CEMIP: variants seen among roughly 807,000 people sequenced by gnomAD.
The protein encoded by CEMIP is cell migration-inducing and hyaluronan-binding protein.
Under a neutral mutation model 156.9 loss-of-function variants are expected in CEMIP, and 105 were observed. That is an observed-to-expected ratio of 0.67 (90% confidence interval 0.57 to 0.79). The LOEUF (loss-of-function observed/expected upper bound fraction) is 0.79. CEMIP is among the 30% of genes least tolerant of loss of function. The pLI is 0.00. For synonymous variants in CEMIP, 676 were observed against 668.4 expected, an observed-to-expected ratio of 1.01 and a Z score of -0.17; for missense variants, 1,457 against 1,769.4, an observed-to-expected ratio of 0.82 and a Z score of 3.17.
chr15:80,828,701 T>G (rs1238087070), intron 1 of CEMIP, among the ~76,000 whole-genome samples: 1 of 152,212 alleles, frequency 6.6e-6, no homozygotes, highest in Non-Finnish European at 1.5e-5. Context: ...GAATTGAATC[T>G]TCTAAGAAAA....
intron 1 of CEMIP, among the ~76,000 whole-genome samples, chr15:80,865,556 G>C (rs1209603508): frequency 6.6e-6 from 1 of 151,776 alleles, no homozygotes; most frequent in Non-Finnish European, 1.5e-5. Flanking sequence ...CATGGCTACT[G>C]TACTGGACAG....
chr15:80,816,396 G>C (rs1463509762), intron 1 of CEMIP, among the ~76,000 whole-genome samples: 1 of 152,290 alleles, frequency 6.6e-6, no homozygotes, highest in East Asian at 1.9e-4. Context: ...TCGGACCTCT[G>C]TCTGCTTCCT....
Position 80,942,110 on chromosome 15 carries a change from C to G in CEMIP, c.3612+57C>G. 1.9e-6 allele frequency: 3 copies of G among 1,566,998 alleles called. No homozygotes were observed. In the South Asian group the frequency reaches 3.3e-5, roughly 17 times the overall value. ...TTGCCGTCCAGTCGGGCCTAGAGCCCTTTGCCGTCCAGTCGGGCCCAGACC... is the reference window on the plus strand; with the variant it reads ...TTGCCGTCCAGTCGGGCCTAGAGCCGTTTGCCGTCCAGTCGGGCCCAGACC... On this transcript the variant is annotated intron_variant, in intron 26 of 29. Coordinates refer to ENST00000394685, the MANE Select transcript of CEMIP (RefSeq NM_001293298.2).
chr15:80,844,980 G>A (rs1452734493), intron 1 of CEMIP, among the ~76,000 whole-genome samples: 2 of 152,128 alleles, frequency 1.3e-5, no homozygotes, highest in African/African-American at 4.8e-5. Context: ...AGCTCATCCA[G>A]ATGTTCCTAA....
At chr15:80,905,984 A>G (rs1899785107) in intron 12 of CEMIP, among the ~76,000 whole-genome samples, 1 of 152,200 alleles carries the variant, frequency 6.6e-6, no homozygotes, top group East Asian at 1.9e-4. Flanking sequence ...CAGAAGCTCC[A>G]ATCTGGCTCT....
In CEMIP at chr15:80,932,629, C is replaced by T. The variant is rs538658638; in HGVS notation, c.2793+590C>T. 6.6e-6 allele frequency among the ~76,000 whole-genome samples: 1 copy of T among 152,278 alleles called. No homozygotes were observed. The highest frequency in any genetic ancestry group is 1.9e-4 in the East Asian group (1 of 5,172). ...CCCAGACTTTTCCCTCCTTCTCCTC[C>T]CTGCTCCTGCCTTTTGCCTGTTTGC... is the stretch of plus-strand genomic sequence containing the variant. On this transcript the variant is annotated intron_variant, in intron 22 of 29. Coordinates refer to ENST00000394685, the MANE Select transcript of CEMIP (RefSeq NM_001293298.2). The surrounding 1 kb of genome is among the most constrained non-coding windows in gnomAD (Gnocchi z 4.5).
Position 80,937,957 on chromosome 15 carries a change from T to C in CEMIP, c.3385T>C (p.Tyr1129His), listed in dbSNP as rs1215842079. ...VEQSYPGRSH[Y>H]YWDEDSGLLF... ...GCAGAGCTACCCTGGCAGGAGCCAC[T>C]ACTACTGGGACGAGGACTCAGGGTG... The change falls in exon 25 of 30, where the codon TAC (tyrosine) becomes CAC (histidine). Residue 1129 changes from tyrosine (Y) to histidine (H), a missense_variant. Physicochemically the swap from Tyr to His is moderately conservative, Grantham distance 83. This residue lies in a region of CEMIP where 798 missense variants were observed against 980.1 expected (regional missense o/e 0.81). Coordinates refer to ENST00000394685, the MANE Select transcript of CEMIP (RefSeq NM_001293298.2). 1 of 1,614,102 alleles carries C rather than the reference T, an allele frequency of 6.2e-7. No homozygotes were observed. Among genetic ancestry groups the C allele is most frequent in the Non-Finnish European group, 8.5e-7 (1 of 1,179,986 alleles).
intron 1 of CEMIP, among the ~76,000 whole-genome samples, chr15:80,871,243 T>A (rs760733236): frequency 2.0e-4 from 31 of 152,210 alleles, no homozygotes; most frequent in Non-Finnish European, 4.0e-4. Flanking sequence ...AAGGCACGGA[T>A]GACCCCTTGC....
At chr15:80,946,719 G>A in intron 28 of CEMIP, 4 of 527,728 alleles carry the variant, frequency 7.6e-6, no homozygotes, top group Non-Finnish European at 6.9e-6. Context: ...CCAAGTCCAG[G>A]CTTGGAGAAG....
Position 80,853,572 on chromosome 15 carries a change from A to C in CEMIP, c.-175-19966A>C, listed in dbSNP as rs565859094. Among the ~76,000 whole-genome samples the C allele has an allele frequency of 3.3e-5, 5 of 152,326 alleles. No individual in the cohort carries two copies. In the East Asian group the frequency reaches 5.8e-4, roughly 18 times the overall value. On this transcript the variant is annotated intron_variant, in intron 1 of 29. Coordinates refer to ENST00000394685, the MANE Select transcript of CEMIP (RefSeq NM_001293298.2). ...CAATATGGTGGTCTTTGAAGCCCTA[A>C]GAAGGGAATTGACCCAATTCAAATG...
intron 1 of CEMIP, among the ~76,000 whole-genome samples, chr15:80,839,762 T>G (rs1223948634): frequency 6.6e-6 from 1 of 152,200 alleles, no homozygotes; most frequent in East Asian, 1.9e-4. Context: ...GCTGGATGTG[T>G]GGGGCAATTC....
chr15:80,909,442 T>G, intron 14 of CEMIP, 136 bp downstream of exon 14: 1 of 887,856 alleles, frequency 1.1e-6, no homozygotes, highest in South Asian at 1.4e-5. Flanking sequence ...CAGAAAGATA[T>G]CAACTGGGAG....
At chr15:80,783,457 T>A (rs16972342) in intron 1 of CEMIP, among the ~76,000 whole-genome samples, 8,882 of 152,276 alleles carry the variant, frequency 0.058, 652 homozygotes, top group East Asian at 0.42. Context: ...CAGTTTCAGT[T>A]TCCTTTGAAC....
At chr15:80,920,442 G>A (rs1425804040) in intron 15 of CEMIP, 143 bp downstream of exon 15, 8 of 700,652 alleles carry the variant, frequency 1.1e-5, no homozygotes, top group East Asian at 1.1e-4. Flanking sequence ...AACCACCTAC[G>A]GCTCCAGCTT....
Position 80,921,024 on chromosome 15 carries a change from C to G in CEMIP, c.2004-8C>G, listed in dbSNP as rs768603913. The stretch of plus-strand genomic sequence containing the variant: ...ATCTGATCTCAGGTATCTCTGCCCT[C>G]CCTGCAGTGCTGTGTCCACCTTCTG... On this transcript the variant is annotated splice_region_variant and splice_polypyrimidine_tract_variant and intron_variant, in intron 15 of 29. Transcript: ENST00000394685. The G allele has an allele frequency of 4.3e-6, 7 of 1,613,864 alleles. No individual in the cohort carries two copies. The highest frequency in any genetic ancestry group is 5.9e-6 in the Non-Finnish European group (7 of 1,179,834).
chr15:80,825,303 G>A (rs1415696566), intron 1 of CEMIP, among the ~76,000 whole-genome samples: 3 of 152,152 alleles, frequency 2.0e-5, no homozygotes, highest in African/African-American at 7.2e-5. Context: ...ACCTATGGTA[G>A]CATTACCTTC....
Position 80,880,959 on chromosome 15 carries a change from A to T in CEMIP, c.440A>T (p.Lys147Ile). Reference sequence around the variant, plus strand: ...GGTCTGAAGTACATTGGGGTTGGTAAAGGAGGCGCTCTTGAGTTGCATGGA... The same window carrying T: ...GGTCTGAAGTACATTGGGGTTGGTATAGGAGGCGCTCTTGAGTTGCATGGA... ...YYGLKYIGVGKGGALELHGQK... is the reference protein window; with the variant it reads ...YYGLKYIGVGIGGALELHGQK... Residue 147 changes from lysine (K) to isoleucine (I), a missense_variant, in exon 6 of 30, where the codon AAA becomes ATA. This residue lies in a region of CEMIP where 309 missense variants were observed against 340.8 expected (regional missense o/e 0.91). Coordinates refer to ENST00000394685, the MANE Select transcript of CEMIP (RefSeq NM_001293298.2). The T allele has an allele frequency of 6.2e-7, 1 of 1,614,138 alleles. No individual in the cohort carries two copies. The highest frequency in any genetic ancestry group is 8.5e-7 in the Non-Finnish European group (1 of 1,180,014).
intron 1 of CEMIP, among the ~76,000 whole-genome samples, chr15:80,853,447 C>T (rs909000715): frequency 2.6e-5 from 4 of 152,126 alleles, no homozygotes; most frequent in South Asian, 2.1e-4. Context: ...GCTGAACAAG[C>T]GTGACTCTAG....
intron 1 of CEMIP, among the ~76,000 whole-genome samples, chr15:80,796,160 G>A (rs1028161386): frequency 1.3e-5 from 2 of 151,902 alleles, no homozygotes; most frequent in South Asian, 2.1e-4. Flanking sequence ...TTTGAGATGC[G>A]GGGGCGTCTC....
Sources: allele counts gnomAD v4.1 joint callset (sites outside exome capture counted in the v4.1 genomes callset), GRCh38; gene constraint gnomAD v4.1.1; regional missense constraint gnomAD v4.1.1; non-coding constraint Gnocchi (gnomAD v3.1); transcripts MANE v1.5; gene names NCBI Gene and HGNC (gene_info 2026-07-23, HGNC 2026-07-21).